Variants in CMTR1 observed in about 807,000 individuals in gnomAD.
CMTR1 encodes the protein cap-specific mRNA (nucleoside-2'-O-)-methyltransferase 1.
Under a neutral mutation model 107.0 loss-of-function variants are expected in CMTR1, and 39 were observed. That is an observed-to-expected ratio of 0.36 (90% CI 0.28 to 0.48). The LOEUF (loss-of-function observed/expected upper bound fraction) is 0.48, where lower values mean the gene tolerates loss of function less well. Among genes scored for constraint, CMTR1 ranks in the 20% least tolerant of loss-of-function variants. The probability of loss-of-function intolerance (pLI) is 0.99; values close to 1 mark genes in which losing one functional copy is unlikely to be tolerated. For missense variants in CMTR1, 672 were observed against 1,064.9 expected (o/e 0.63, Z 5.14); for synonymous variants, 366 against 379.5 (o/e 0.96, Z 0.41).
chr6:37,435,639 A>G lies in CMTR1; in HGVS notation c.10A>G (p.Arg4Gly), dbSNP rs765801479. The change falls in exon 2 of 24, where the codon AGA becomes GGA. Residue 4 changes from arginine (R) to glycine (G), a missense_variant. Transcript: ENST00000373451. ...ATGGTTACAGTTAACGATGAAGAGG[A>G]GAACTGACCCAGAATGCACTGCCCC... MKRRTDPECTAPIK... is the reference protein window; with the variant it reads MKRGTDPECTAPIK... 1 of 1,600,436 alleles carries G rather than the reference A, an allele frequency of 6.2e-7. No homozygotes were observed. The highest frequency in any genetic ancestry group is 8.5e-7 in the Non-Finnish European group (1 of 1,174,590).
At position 37,446,315 on chromosome 6, in the gene CMTR1, G is replaced by A. The variant is rs1771793157; in HGVS notation, c.310G>A (p.Glu104Lys). Residue 104 changes from glutamate (E) to lysine (K), a missense_variant, in exon 4 of 24, where the codon GAA becomes AAA. Around this residue, in one of 2 missense-constraint regions of CMTR1, gnomAD observed 583 missense variants for 968.4 expected, o/e 0.60. Transcript: ENST00000373451. ...LMAKMGFREGEGLGKYSQGRK... is the reference protein window; with the variant it reads ...LMAKMGFREGKGLGKYSQGRK... ...GGCCAAGATGGGCTTCAGGGAAGGT[G>A]AAGGATTGGGTAAATACAGCCAGGG... is the stretch of plus-strand genomic sequence containing the variant. 1 of 1,614,084 alleles carries A rather than the reference G, an allele frequency of 6.2e-7. No homozygotes were observed. Among genetic ancestry groups the A allele is most frequent in the Non-Finnish European group, 8.5e-7 (1 of 1,180,044 alleles).
In CMTR1 at chr6:37,458,797, C is replaced by T. The variant is rs567210799; in HGVS notation, c.963C>T (p.Phe321=). Residue 321 remains phenylalanine, a synonymous_variant, in exon 9 of 24, where the codon TTC becomes TTT. Transcript: ENST00000373451. This position sits in a 1 kb window ranked among gnomAD's most constrained non-coding sequence, Gnocchi z 4.7. The part of the protein sequence containing the change: ...EDFYSASSEL[F]EPYYGEGGID... Reference sequence around the variant, plus strand: ...TCTACTCTGCTTCCAGTGAACTCTTCGAACCCTACTATGGTAGGGACATTG... The same window carrying T: ...TCTACTCTGCTTCCAGTGAACTCTTTGAACCCTACTATGGTAGGGACATTG... The T allele has an allele frequency of 6.2e-6, 10 of 1,613,880 alleles. No individual in the cohort carries two copies. Among genetic ancestry groups the T allele is most frequent in the Admixed American group, 3.3e-5 (2 of 60,002 alleles).
Position 37,435,740 on chromosome 6 carries a change from C to T in CMTR1, c.111C>T (p.Ser37=), listed in dbSNP as rs370275995. The change falls in exon 2 of 24, where the codon TCC becomes TCT. Residue 37 remains serine, a synonymous_variant. Transcript: ENST00000373451. ...LSSTSDDEPP[S]SVSHGAKAST... ...CCACGTCCGATGATGAACCTCCCTC[C>T]TCTGTCAGTCATGGAGCAAAAGGTA... The T allele has an allele frequency of 1.1e-5, 18 of 1,596,328 alleles. No individual in the cohort carries two copies. The highest frequency in any genetic ancestry group is 5.4e-5 in the Admixed American group (3 of 55,262).
chr6:37,454,772 A>G (rs1263086560), intron 8 of CMTR1, among the ~76,000 whole-genome samples: 4 of 152,164 alleles, frequency 2.6e-5, no homozygotes, highest in Non-Finnish European at 5.9e-5. Flanking sequence ...ATGTTTCTCT[A>G]TGCTTCACTA....
intron 13 of CMTR1, among the ~76,000 whole-genome samples, chr6:37,468,246 C>T (rs551595861): frequency 1.3e-5 from 2 of 151,192 alleles, no homozygotes; most frequent in African/African-American, 4.9e-5. Context: ...AAAACTATTT[C>T]ATTGTTTTAT....
chr6:37,435,582 T>C, intron 1 of CMTR1, 42 bp from the exon 2 acceptor site: 1 of 1,575,386 alleles, frequency 6.3e-7, no homozygotes, highest in Non-Finnish European at 8.6e-7. Flanking sequence ...TCCCAGTGGC[T>C]GTGACCCAAG....
upstream of CMTR1, among the ~76,000 whole-genome samples, chr6:37,430,975 T>C (rs902576748): frequency 5.1e-5 from 7 of 136,490 alleles, no homozygotes; most frequent in African/African-American, 2.0e-4. Context: ...ATTGTGCCAC[T>C]GCACTCCAGC....
rs758697196 is a variant in CMTR1, at chr6:37,450,236, C to T, written c.445-15C>T. On this transcript the variant is annotated splice_polypyrimidine_tract_variant and intron_variant, in intron 4 of 23. Coordinates refer to ENST00000373451, the MANE Select transcript of CMTR1 (RefSeq NM_015050.3). ...TGTGTCATATCTGTCTTACTAGCCT[C>T]TCTTTTGTTTGCAGCCCAGTGCTTG... is the stretch of plus-strand genomic sequence containing the variant. 1.9e-6 allele frequency: 3 copies of T among 1,610,642 alleles called. No homozygotes were observed. The East Asian group carries it at 6.7e-5, about 36-fold the overall frequency.
intron 13 of CMTR1, among the ~76,000 whole-genome samples, chr6:37,464,826 T>C (rs1015476843): frequency 4.0e-5 from 6 of 151,816 alleles, no homozygotes; most frequent in Non-Finnish European, 8.8e-5. Context: ...AATACCTGAG[T>C]GGGAAATTCT....
chr6:37,438,470 A>C (rs1013854703), intron 2 of CMTR1, among the ~76,000 whole-genome samples: 1 of 152,206 alleles, frequency 6.6e-6, no homozygotes, highest in Non-Finnish European at 1.5e-5. Context: ...ATTTGCAGAA[A>C]ATGAGATGGG....
chr6:37,433,661 G>C (rs1771449524), intron 1 of CMTR1, among the ~76,000 whole-genome samples: 1 of 152,246 alleles, frequency 6.6e-6, no homozygotes, highest in African/African-American at 2.4e-5. Flanking sequence ...CTGTGATTAG[G>C]GGTGGCAGTG....
intron 1 of CMTR1, 132 bp from the exon 2 acceptor site, chr6:37,435,492 C>T (rs1771507093): frequency 1.1e-6 from 1 of 919,630 alleles, no homozygotes. Context: ...AGAGGCTATT[C>T]AAGTGCTGGC....
At chr6:37,474,885 G>A (rs145689562) in intron 18 of CMTR1, among the ~76,000 whole-genome samples, 36 of 152,364 alleles carry the variant, frequency 2.4e-4, no homozygotes, top group African/African-American at 7.9e-4. Context: ...TCTGTGCATT[G>A]AGGGCCCTGG....
chr6:37,425,268 A>AT, the CMTR1 span, among the ~76,000 whole-genome samples: 3 of 145,628 alleles, frequency 2.1e-5, no homozygotes, highest in South Asian at 4.4e-4. Context: ...TTCTTGATTG[A>AT]TTTTTTTTTT....
At chr6:37,475,957 T>G (rs1761727579) in intron 19 of CMTR1, 169 bp from the exon 20 acceptor site, 3 of 631,970 alleles carry the variant, frequency 4.7e-6, no homozygotes, top group Admixed American at 5.0e-5. Context: ...AAGACGTCGG[T>G]GGAGAAGGGC....
intron 4 of CMTR1, among the ~76,000 whole-genome samples, chr6:37,447,300 G>A (rs9380672): frequency 0.14 from 21,869 of 152,158 alleles, 2,024 homozygotes; most frequent in Admixed American, 0.24. Context: ...TGTGATAAAA[G>A]CCTAATAAGT....
Position 37,471,917 on chromosome 6 carries a change from C to A in CMTR1, c.1620+13C>A, listed in dbSNP as rs747903852. The A allele has an allele frequency of 1.9e-6, 3 of 1,611,264 alleles. No homozygotes were observed. The highest frequency in any genetic ancestry group is 2.5e-6 in the Non-Finnish European group (3 of 1,179,054). On this transcript the variant is annotated intron_variant, in intron 15 of 23. Transcript: ENST00000373451. ...CCGACTCTGGGGGGTGAGTATCTCC[C>A]CCGCCCATTGCTGCTTCAGGGCAGG...
chr6:37,442,753 A>C (rs1771701770), intron 2 of CMTR1, among the ~76,000 whole-genome samples: 1 of 152,244 alleles, frequency 6.6e-6, no homozygotes, highest in Non-Finnish European at 1.5e-5. Flanking sequence ...GGATCACTTA[A>C]GATTGGCTTC....
chr6:37,453,507 A>C (rs1761227445), intron 8 of CMTR1, among the ~76,000 whole-genome samples, 195 bp downstream of exon 8: 2 of 152,216 alleles, frequency 1.3e-5, no homozygotes, highest in Admixed American at 6.5e-5. Flanking sequence ...TCAGGGCTTC[A>C]GTCCTGGAAT....
Sources: allele counts gnomAD v4.1 joint callset (sites outside exome capture counted in the v4.1 genomes callset), GRCh38; gene constraint gnomAD v4.1.1; regional missense constraint gnomAD v4.1.1; non-coding constraint Gnocchi (gnomAD v3.1); transcripts MANE v1.5; gene names NCBI Gene and HGNC (gene_info 2026-07-23, HGNC 2026-07-21).